SIRPG: variants seen among roughly 807,000 people sequenced by gnomAD.
SIRPG encodes the protein signal-regulatory protein gamma.
In SIRPG, 38 loss-of-function variants were observed where a neutral mutation model predicts 35.7. The ratio of observed to expected loss-of-function variants is 1.06; its 90% CI spans 0.82 to 1.40. The LOEUF (loss-of-function observed/expected upper bound fraction) is 1.40. Ranked by LOEUF, SIRPG falls within the 40% of genes most tolerant of loss-of-function variation. The pLI, the probability that SIRPG is intolerant of heterozygous loss-of-function variation, is 0.00. For synonymous variants in SIRPG, 215 were observed against 190.4 expected (o/e 1.13, Z -1.06); for missense variants, 519 against 483.0 (o/e 1.07, Z -0.70).
At chr20:1,656,928 G>A (rs1055279579) in intron 1 of SIRPG, among the ~76,000 whole-genome samples, 1 of 152,072 alleles carries the variant, frequency 6.6e-6, no homozygotes, top group Non-Finnish European at 1.5e-5. Context: ...TGAGCAGTAG[G>A]ATATAAATAA....
chr20:1,662,417 G>A (rs906630058), upstream of SIRPG, among the ~76,000 whole-genome samples: 3 of 152,152 alleles, frequency 2.0e-5, no homozygotes, highest in Admixed American at 1.3e-4. Flanking sequence ...CCCAGGACAC[G>A]GAAAGGAAAA....
chr20:1,646,124 TG>T (rs1210674633), intron 2 of SIRPG: 1 of 152,230 alleles, frequency 6.6e-6, no homozygotes, highest in Non-Finnish European at 1.5e-5. Flanking sequence ...TGTGTCCCAG[TG>T]GGCACCTTCT....
chr20:1,636,913 T>G (rs1380577739), intron 2 of SIRPG, among the ~76,000 whole-genome samples: 1 of 152,126 alleles, frequency 6.6e-6, no homozygotes, highest in East Asian at 1.9e-4. Context: ...AATGGCAAAG[T>G]GGCGCCACCA....
At position 1,641,185 on chromosome 20, in the gene SIRPG, T is replaced by A. The variant is rs375511372; in HGVS notation, c.431-4680A>T. 5.3e-5 allele frequency among the ~76,000 whole-genome samples: 8 copies of A among 152,336 alleles called. No homozygotes were observed. In the South Asian group the frequency reaches 8.3e-4, roughly 16 times the overall value. ...TTTGGAATAGTTTCAGAAGGAATGG[T>A]TCCAGCTCCTCGTTGTACCTCTGGT... On this transcript the variant is annotated intron_variant, in intron 2 of 5. Coordinates refer to ENST00000303415, the MANE Select transcript of SIRPG (RefSeq NM_018556.4).
In SIRPG at chr20:1,636,488, C is replaced by T. The variant is rs373555109; in HGVS notation, c.448G>A (p.Val150Met). Residue 150 changes from valine to methionine, a missense_variant, in exon 3 of 6, where the codon GTG (valine) becomes ATG (methionine). Transcript: ENST00000303415. The stretch of plus-strand genomic sequence containing the variant: ...GTCCTCGCCGCAGGGCCCAATACCA[C>T]GGGGGCAGAGGGTTTGGCTACAAAA... ...MALGAKPSAP[V>M]VLGPAARTTP... is the part of the protein sequence containing the mutation. 28 of 1,613,980 alleles carry T rather than the reference C, an allele frequency of 1.7e-5. No individual in the cohort carries two copies. The highest frequency in any genetic ancestry group is 9.9e-5 in the South Asian group (9 of 91,088).
chr20:1,670,236 G>A, the SIRPG span: 9 of 254,760 alleles, frequency 3.5e-5, no homozygotes, highest in East Asian at 8.5e-4. Context: ...TCCAAGAAGG[G>A]TGGAACTGAA....
chr20:1,666,917 CTT>C, the SIRPG span, among the ~76,000 whole-genome samples: 1 of 146,942 alleles, frequency 6.8e-6, no homozygotes, highest in Non-Finnish European at 1.5e-5. Flanking sequence ...TATTTACTTA[CTT>C]TTTTTTTTTG....
chr20:1,669,297 T>C, the SIRPG span, among the ~76,000 whole-genome samples: 9 of 152,220 alleles, frequency 5.9e-5, no homozygotes, highest in Admixed American at 3.9e-4. Context: ...AAGTTCTGAG[T>C]TTCTCTTCTG....
chr20:1,650,000 G>GTATATA (rs1491226682), intron 1 of SIRPG, among the ~76,000 whole-genome samples: 2 of 85,414 alleles, frequency 2.3e-5, no homozygotes, highest in African/African-American at 9.6e-5. Context: ...CTACTTTGAA[G>GTATATA]TGTGTATATA....
chr20:1,684,689 A>G, the SIRPG span, among the ~76,000 whole-genome samples: 1 of 152,212 alleles, frequency 6.6e-6, no homozygotes, highest in Non-Finnish European at 1.5e-5. Flanking sequence ...TACAAGTAGC[A>G]TAACATGGCT....
the SIRPG span, among the ~76,000 whole-genome samples, chr20:1,673,507 T>C: frequency 2.4e-3 from 363 of 150,984 alleles, 1 homozygote; most frequent in African/African-American, 7.5e-3. Flanking sequence ...TTCAGGAGGT[T>C]TGGTCATTAC....
At chr20:1,654,540 A>G (rs749677253) in intron 1 of SIRPG, among the ~76,000 whole-genome samples, 4 of 152,206 alleles carry the variant, frequency 2.6e-5, no homozygotes, top group South Asian at 2.1e-4. Context: ...TACAAAAATC[A>G]ACTCAAAATG....
At chr20:1,657,814 A>C, upstream of SIRPG, 1 of 1,110,236 alleles carries the variant, frequency 9.0e-7, no homozygotes, top group Non-Finnish European at 1.3e-6. Context: ...CCCTCAATTC[A>C]AGAGGAAGTG....
chr20:1,682,424 C>T, the SIRPG span, among the ~76,000 whole-genome samples: 1 of 152,168 alleles, frequency 6.6e-6, no homozygotes, highest in African/African-American at 2.4e-5. Flanking sequence ...CTATGACCAT[C>T]TCAACACAGG....
chr20:1,650,275 C>A (rs989069790), intron 1 of SIRPG, among the ~76,000 whole-genome samples: 1 of 151,744 alleles, frequency 6.6e-6, no homozygotes, highest in African/African-American at 2.4e-5. Flanking sequence ...ATGTTGGGTG[C>A]ACTCTGACAC....
intron 4 of SIRPG, among the ~76,000 whole-genome samples, chr20:1,634,089 G>C (rs916268315): frequency 6.6e-6 from 1 of 152,112 alleles, no homozygotes; most frequent in African/African-American, 2.4e-5. Flanking sequence ...TGGATGAATG[G>C]AAATTTGCAC....
chr20:1,646,408 A>G (rs994762310), intron 2 of SIRPG: 2 of 152,268 alleles, frequency 1.3e-5, no homozygotes, highest in Non-Finnish European at 2.9e-5. Flanking sequence ...CTTAGTCCTC[A>G]GCACCAAGAA....
At chr20:1,680,170 A>G in the SIRPG span, among the ~76,000 whole-genome samples, 2 of 152,200 alleles carry the variant, frequency 1.3e-5, no homozygotes, top group Non-Finnish European at 2.9e-5. Context: ...ACAAACAAAA[A>G]TACCTCTTCT....
intron 3 of SIRPG, 119 bp downstream of exon 3, chr20:1,636,069 G>GGGCA: frequency 7.1e-7 from 1 of 1,410,440 alleles, no homozygotes; most frequent in Non-Finnish European, 9.7e-7. Flanking sequence ...CATGGCGGGC[G>GGGCA]GGCAGTATAG....
Sources: gnomAD v4.1 joint callset for allele counts (sites outside exome capture counted in the v4.1 genomes callset) on GRCh38, gnomAD v4.1.1 for gene constraint, MANE v1.5 for transcripts, NCBI Gene and HGNC (gene_info 2026-07-23, HGNC 2026-07-21) for gene names.